Variants in TAF9 observed in about 807,000 individuals in gnomAD.
TAF9 encodes the protein TATA-box binding protein associated factor 9.
Under a neutral mutation model 16.5 loss-of-function variants are expected in TAF9, and 10 were observed. The observed-to-expected ratio is 0.61, with a 90% CI of 0.37 to 1.03. The LOEUF is 1.03. Among genes scored for constraint, TAF9 ranks in the 50% least tolerant of loss-of-function variants. The pLI is 0.01. For synonymous variants in TAF9, 105 were observed against 120.5 expected (o/e 0.87, Z 0.84); for missense variants, 288 against 319.1 (o/e 0.90, Z 0.74).
Position 69,365,040 on chromosome 5 carries a change from G to C in TAF9, c.698C>G (p.Ser233Ter), listed in dbSNP as rs1255349836. Reference protein sequence around the residue: ...NILITTNMMSSQNTANESSNA... With the variant: ...NILITTNMMS ...TGATGATTCATTGGCAGTATTTTGT[G>C]ATGACATCATATTAGTGGTAATAAG... Residue 233 changes from serine (S) to a stop codon, truncating the protein, a stop_gained, in exon 3 of 3, where the codon TCA becomes TGA. Transcript: ENST00000217893. LOFTEE classifies it high-confidence loss of function. The C allele has an allele frequency of 1.2e-6, 2 of 1,613,974 alleles. No individual in the cohort carries two copies. The highest frequency in any genetic ancestry group is 1.7e-6 in the Non-Finnish European group (2 of 1,179,984).
At chr5:69,369,677 T>C (rs1346669209), upstream of TAF9, 19 of 1,555,778 alleles carry the variant, frequency 1.2e-5, no homozygotes, top group Non-Finnish European at 1.7e-5. Flanking sequence ...ATGACACATT[T>C]CCGTCGCAAA....
intron 2 of TAF9, among the ~76,000 whole-genome samples, chr5:69,366,244 G>A (rs1002362240): frequency 3.3e-5 from 5 of 152,042 alleles, no homozygotes; most frequent in Admixed American, 1.3e-4. Context: ...CTACCTATCC[G>A]AAATCCAGTC....
intron 2 of TAF9, among the ~76,000 whole-genome samples, 166 bp from the exon 3 acceptor site, chr5:69,365,920 C>T (rs1016331415): frequency 1.1e-4 from 16 of 152,066 alleles, no homozygotes; most frequent in African/African-American, 3.9e-4. Context: ...AACTTAAGGT[C>T]GCTTTAATTT....
Position 69,366,555 on chromosome 5 carries a change from A to T in TAF9, c.-70T>A, listed in dbSNP as rs566395252. The stretch of plus-strand genomic sequence containing the variant: ...TGTATTTCAGTCCTGATTTTGACGC[A>T]AGTTCTTTGCCTAGTGTGGTTTTTC... On this transcript the variant is annotated 5_prime_UTR_variant, in exon 2 of 3. Transcript: ENST00000217893. The T allele has an allele frequency of 6.2e-7, 1 of 1,614,030 alleles. No individual in the cohort carries two copies. Among genetic ancestry groups the T allele is most frequent in the Admixed American group, 1.7e-5 (1 of 60,012 alleles).
chr5:69,369,620 G>C (rs1391230122), upstream of TAF9: 8 of 1,572,352 alleles, frequency 5.1e-6, no homozygotes, highest in Admixed American at 1.1e-4. Flanking sequence ...GGCGCCCCTA[G>C]CCTGCCCCGG....
At position 69,365,463 on chromosome 5, in the gene TAF9, A is replaced by T. The variant is rs752149506; in HGVS notation, c.275T>A (p.Leu92Ter). The T allele has an allele frequency of 6.2e-7, 1 of 1,614,194 alleles. No individual in the cohort carries two copies. The highest frequency in any genetic ancestry group is 1.1e-5 in the South Asian group (1 of 91,084). ...ATTTCTTTGCCTTGCAATATCTAAT[A>T]AAAAATCTCTTGGGGGAGGAGAGGT... The part of the protein sequence containing the change: ...SFTSPPPRDF[L>*]LDIARQRNQT... Residue 92 changes from leucine to a stop codon, truncating the protein, a stop_gained, in exon 3 of 3, where the codon TTA (leucine) becomes TAA (stop). Coordinates refer to ENST00000217893, the MANE Select transcript of TAF9 (RefSeq NM_003187.5). LOFTEE classifies it high-confidence loss of function.
chr5:69,365,527 C>A lies in TAF9; in HGVS notation c.211G>T (p.Val71Leu). 6.2e-7 allele frequency: 1 copy of A among 1,613,774 alleles called. No individual in the cohort carries two copies. The highest frequency in any genetic ancestry group is 8.5e-7 in the Non-Finnish European group (1 of 1,179,772). The change falls in exon 3 of 3, where the codon GTG (valine) becomes TTG (leucine). Residue 71 changes from valine to leucine, a missense_variant. Coordinates refer to ENST00000217893, the MANE Select transcript of TAF9 (RefSeq NM_003187.5). ...GCGCGGCACTGGATTGCCAATCGCA[C>A]ATCATCTGCATCAACAGTAGCTTTC... is the stretch of plus-strand genomic sequence containing the variant. ...AKKATVDADD[V>L]RLAIQCRADQ... is the part of the protein sequence containing the mutation.
At chr5:69,366,840 C>G (rs1762451502) in intron 1 of TAF9, 1 of 444,994 alleles carries the variant, frequency 2.2e-6, no homozygotes, top group Admixed American at 3.5e-5. Flanking sequence ...CTCACTGCAA[C>G]CTCCACCTCC....
chr5:69,369,569 C>T, upstream of TAF9: 1 of 1,606,732 alleles, frequency 6.2e-7, no homozygotes, highest in South Asian at 1.1e-5. Context: ...GGGCGGGCGG[C>T]AGCAAAAGCC....
chr5:69,368,702 T>C (rs1206195215), intron 1 of TAF9: 4 of 152,234 alleles, frequency 2.6e-5, no homozygotes, highest in South Asian at 2.1e-4. Flanking sequence ...AAAATCTACA[T>C]GCATTAGATT....
chr5:69,366,169 T>TATGTGCTC (rs1762415142), intron 2 of TAF9, among the ~76,000 whole-genome samples: 1 of 152,230 alleles, frequency 6.6e-6, no homozygotes, highest in Non-Finnish European at 1.5e-5. Context: ...ACTGTGCTCA[T>TATGTGCTC]ATATATGTTT....
intron 1 of TAF9, among the ~76,000 whole-genome samples, chr5:69,368,649 T>G (rs1367034028): frequency 6.6e-6 from 1 of 152,258 alleles, no homozygotes; most frequent in African/African-American, 2.4e-5. Flanking sequence ...GATGTAACTT[T>G]ACTGTTCCCA....
At chr5:69,366,434 G>T in intron 2 of TAF9, 69 bp downstream of exon 2, 1 of 1,199,556 alleles carries the variant, frequency 8.3e-7, no homozygotes, top group Non-Finnish European at 1.2e-6. Context: ...ACAATACCCA[G>T]CACTAACACT....
chr5:69,369,674 A>G (rs761568971), upstream of TAF9: 21 of 1,556,014 alleles, frequency 1.3e-5, no homozygotes, highest in Non-Finnish European at 9.6e-6. Context: ...TCGATGACAC[A>G]TTTCCGTCGC....
rs1762343614 is a variant in TAF9 at position 69,364,782 on chromosome 5, G to A, written c.*161C>T. On this transcript the variant is annotated 3_prime_UTR_variant, in exon 3 of 3. Transcript: ENST00000217893. Reference sequence around the variant, plus strand: ...ACTTTATTTTTCTTACACTTTTAAGGCTGATGAAAAACCTTCATTTCAATT... The same window carrying A: ...ACTTTATTTTTCTTACACTTTTAAGACTGATGAAAAACCTTCATTTCAATT... 4 of 722,858 alleles carry A rather than the reference G, an allele frequency of 5.5e-6. No homozygotes were observed. The South Asian group carries it at 7.4e-5, about 13-fold the overall frequency. 44.8% of individuals were successfully genotyped at this position (722,858 alleles called of 1,614,324 possible). A position where few individuals can be genotyped will look rare whatever the true frequency, so the allele number is the denominator to read the frequency against.
chr5:69,369,738 T>TG, upstream of TAF9: 1 of 1,539,174 alleles, frequency 6.5e-7, no homozygotes, highest in Non-Finnish European at 8.8e-7. Flanking sequence ...GGCAGTGCGC[T>TG]GGATGCCTAA....
intron 1 of TAF9, 56 bp downstream of exon 1, chr5:69,369,407 G>A (rs1762746399): frequency 6.3e-7 from 1 of 1,594,224 alleles, no homozygotes; most frequent in Non-Finnish European, 8.5e-7. Context: ...GATGCCCAGA[G>A]CACTCTGCGC....
At chr5:69,367,472 A>G (rs1434319344) in intron 1 of TAF9, among the ~76,000 whole-genome samples, 2 of 147,644 alleles carry the variant, frequency 1.4e-5, no homozygotes, top group Non-Finnish European at 3.0e-5. Context: ...ATCGCGCCAC[A>G]GCACTCCAGC....
upstream of TAF9, chr5:69,369,597 C>T (rs1248685417): frequency 1.3e-6 from 2 of 1,590,876 alleles, no homozygotes; most frequent in Non-Finnish European, 1.7e-6. Context: ...CCAAAGGCCC[C>T]GAAGCCCACC....
Sources: allele counts gnomAD v4.1 joint callset (sites outside exome capture counted in the v4.1 genomes callset), GRCh38; gene constraint gnomAD v4.1.1; transcripts MANE v1.5; gene names NCBI Gene and HGNC (gene_info 2026-07-23, HGNC 2026-07-21).